Variants in ICA1 observed in about 807,000 individuals in gnomAD.
ICA1 encodes 69 kDa islet cell autoantigen.
Under a neutral mutation model 71.0 loss-of-function variants are expected in ICA1, and 40 were observed. The observed-to-expected ratio is 0.56, with a 90% CI of 0.44 to 0.73. ICA1 has a LOEUF of 0.73. ICA1 is among the 30% of genes least tolerant of loss of function. The pLI, the probability that ICA1 is intolerant of heterozygous loss-of-function variation, is 0.00. For synonymous variants in ICA1, 207 were observed against 209.5 expected (o/e 0.99, Z 0.10); for missense variants, 578 against 576.5 (o/e 1.00, Z -0.03).
intron 6 of ICA1, among the ~76,000 whole-genome samples, chr7:8,216,036 C>A (rs75229064): frequency 7.2e-5 from 11 of 152,226 alleles, no homozygotes; most frequent in African/African-American, 2.7e-4. Context: ...TAAATTCATT[C>A]TAAAGAGGGC....
At chr7:8,187,905 A>G (rs1784389958) in intron 6 of ICA1, among the ~76,000 whole-genome samples, 1 of 152,214 alleles carries the variant, frequency 6.6e-6, no homozygotes, top group Non-Finnish European at 1.5e-5. Context: ...ATGTCATTAT[A>G]TGGTACTTGA....
At chr7:8,203,381 C>T (rs1790408470) in intron 6 of ICA1, among the ~76,000 whole-genome samples, 1 of 151,966 alleles carries the variant, frequency 6.6e-6, no homozygotes, top group Non-Finnish European at 1.5e-5. Context: ...AGTCAGATAC[C>T]TCTTATTAAA....
At chr7:8,198,149 A>G (rs1328677393) in intron 6 of ICA1, among the ~76,000 whole-genome samples, 1 of 152,216 alleles carries the variant, frequency 6.6e-6, no homozygotes, top group Non-Finnish European at 1.5e-5. Context: ...GTTTGCATAA[A>G]TGTTACCCAT....
At chr7:8,202,071 A>G (rs933925442) in intron 6 of ICA1, among the ~76,000 whole-genome samples, 1 of 152,188 alleles carries the variant, frequency 6.6e-6, no homozygotes, top group Non-Finnish European at 1.5e-5. Flanking sequence ...AGGGCATCCA[A>G]AAAGAGATGA....
At chr7:8,119,626 A>T (rs1253921399) in intron 13 of ICA1, among the ~76,000 whole-genome samples, 2 of 152,122 alleles carry the variant, frequency 1.3e-5, no homozygotes, top group Non-Finnish European at 2.9e-5. Context: ...CAGGCGGATC[A>T]CTTGAGGTCA....
At chr7:8,129,711 T>A (rs997083581) in intron 12 of ICA1, among the ~76,000 whole-genome samples, 3 of 152,178 alleles carry the variant, frequency 2.0e-5, no homozygotes, top group Non-Finnish European at 4.4e-5. Context: ...TTTAAAATTA[T>A]TATTATTATA....
chr7:8,129,563 G>A (rs903031915), intron 12 of ICA1, among the ~76,000 whole-genome samples: 1 of 152,170 alleles, frequency 6.6e-6, no homozygotes, highest in African/African-American at 2.4e-5. Flanking sequence ...CACTTTAGTC[G>A]GACAACTGTC....
chr7:8,122,146 T>C (rs1458551118), intron 13 of ICA1, among the ~76,000 whole-genome samples: 1 of 152,130 alleles, frequency 6.6e-6, no homozygotes, highest in Non-Finnish European at 1.5e-5. Context: ...GGAGAGCATG[T>C]GCCAAGACCC....
At chr7:8,152,294 A>G (rs1191593166) in intron 8 of ICA1, among the ~76,000 whole-genome samples, 1 of 152,012 alleles carries the variant, frequency 6.6e-6, no homozygotes, top group African/African-American at 2.4e-5. Context: ...TGAAATGGAG[A>G]GTGAGAAAGT....
In ICA1 at chr7:8,228,469, G is replaced by C. The variant is rs189359159; in HGVS notation, c.256+132C>G. 5.9e-5 allele frequency: 29 copies of C among 493,326 alleles called. No homozygotes were observed. The East Asian group carries it at 8.8e-4, about 15-fold the overall frequency. 30.6% of individuals were successfully genotyped at this position (493,326 alleles called of 1,614,324 possible). On this transcript the variant is annotated intron_variant, in intron 4 of 13. Coordinates refer to ENST00000402384, the MANE Select transcript of ICA1 (RefSeq NM_001136020.3). ...GTATATTATTGGTAAAATTATTAGA[G>C]ACTCTCCTCCCAACGCCTGAAGACA...
intron 10 of ICA1, among the ~76,000 whole-genome samples, chr7:8,140,594 A>T (rs543515936): frequency 1.2e-4 from 19 of 152,312 alleles, no homozygotes; most frequent in Non-Finnish European, 2.2e-4. Context: ...TGTCAGCCTC[A>T]TCCTGGAAGG....
chr7:8,211,820 G>A (rs1793887072), intron 6 of ICA1, among the ~76,000 whole-genome samples: 1 of 152,144 alleles, frequency 6.6e-6, no homozygotes, highest in African/African-American at 2.4e-5. Flanking sequence ...AGTATTTTTA[G>A]CTTTGTGAGC....
intron 6 of ICA1, among the ~76,000 whole-genome samples, chr7:8,207,340 T>C (rs1314401330): frequency 2.0e-5 from 3 of 152,196 alleles, no homozygotes; most frequent in Non-Finnish European, 4.4e-5. Context: ...ACCAACAGGC[T>C]CTTAGGGTCT....
chr7:8,195,495 T>TCATA (rs1456225932), intron 6 of ICA1, among the ~76,000 whole-genome samples: 4 of 151,612 alleles, frequency 2.6e-5, no homozygotes, highest in African/African-American at 9.7e-5. Context: ...TGAGCCAAGA[T>TCATA]CATACCACTG....
intron 6 of ICA1, among the ~76,000 whole-genome samples, chr7:8,201,726 G>A (rs1444202155): frequency 6.6e-6 from 1 of 152,228 alleles, no homozygotes; most frequent in Non-Finnish European, 1.5e-5. Flanking sequence ...GGAAAGAAGA[G>A]GGAGGTGGCT....
chr7:8,130,104 T>C lies in ICA1; in HGVS notation c.1061-1962A>G, dbSNP rs1270817256. 1.3e-5 allele frequency among the ~76,000 whole-genome samples: 2 copies of C among 152,200 alleles called. No homozygotes were observed. The highest frequency in any genetic ancestry group is 1.9e-4 in the East Asian group (1 of 5,198). On this transcript the variant is annotated intron_variant, in intron 12 of 13. Transcript: ENST00000402384. The surrounding 1 kb of genome is among the most constrained non-coding windows in gnomAD (Gnocchi z 4.2). Reference sequence around the variant, plus strand: ...CACATTTTCTTAATCCAGTCTATCATTGTTGGACATTTGGGTTGGTTCCAA... The same window carrying C: ...CACATTTTCTTAATCCAGTCTATCACTGTTGGACATTTGGGTTGGTTCCAA...
intron 13 of ICA1, among the ~76,000 whole-genome samples, chr7:8,120,521 T>A (rs1780433701): frequency 6.6e-6 from 1 of 152,148 alleles, no homozygotes; most frequent in South Asian, 2.1e-4. Context: ...CATCAACTGT[T>A]CTCTAGCTGG....
chr7:8,196,692 C>T (rs535130151), intron 6 of ICA1, among the ~76,000 whole-genome samples: 9 of 152,168 alleles, frequency 5.9e-5, no homozygotes, highest in African/African-American at 1.9e-4. Context: ...CTAAAAATTG[C>T]TCTTAAAATA....
chr7:8,231,423 A>C (rs1466018463), intron 3 of ICA1, among the ~76,000 whole-genome samples: 1 of 152,208 alleles, frequency 6.6e-6, no homozygotes, highest in African/African-American at 2.4e-5. Context: ...AACATTAATT[A>C]TTAATAAACA....
Sources: allele counts gnomAD v4.1 joint callset (sites outside exome capture counted in the v4.1 genomes callset), GRCh38; gene constraint gnomAD v4.1.1; non-coding constraint Gnocchi (gnomAD v3.1); transcripts MANE v1.5; gene names NCBI Gene and HGNC (gene_info 2026-07-23, HGNC 2026-07-21).